DLG2: variants seen among roughly 807,000 people sequenced by gnomAD.
DLG2 encodes discs large MAGUK scaffold protein 2, also known as disks large homolog 2.
A neutral mutation model predicts 132.5 loss-of-function variants in DLG2; 45 were observed. The ratio of observed to expected loss-of-function variants is 0.34; its 90% CI spans 0.27 to 0.44. DLG2 has a LOEUF of 0.44. Among genes scored for constraint, DLG2 ranks in the 20% least tolerant of loss-of-function variants. DLG2 has a pLI of 1.00. For missense variants in DLG2, 1,045 were observed against 1,196.9 expected (o/e 0.87, Z 1.87); for synonymous variants, 424 against 419.6 (o/e 1.01, Z -0.13).
At chr11:84,936,157 G>GAT in intron 6 of DLG2, among the ~76,000 whole-genome samples, 1 of 152,192 alleles carries the variant, frequency 6.6e-6, no homozygotes, top group South Asian at 2.1e-4. Context: ...TTAGGCCTAC[G>GAT]ATACTGTATA....
intron 6 of DLG2, among the ~76,000 whole-genome samples, chr11:85,096,625 G>C (rs958544202): frequency 3.9e-5 from 6 of 152,228 alleles, no homozygotes; most frequent in African/African-American, 1.2e-4. Context: ...CCACCAGAAG[G>C]AATAAACTCT....
intron 21 of DLG2, among the ~76,000 whole-genome samples, chr11:83,503,569 T>G (rs1216261840): frequency 6.6e-6 from 1 of 151,450 alleles, no homozygotes; most frequent in Non-Finnish European, 1.5e-5. Flanking sequence ...CTGAAGAACC[T>G]GGAGTCCGAT....
intron 3 of DLG2, among the ~76,000 whole-genome samples, chr11:85,421,741 G>A (rs907390087): frequency 6.6e-6 from 1 of 151,700 alleles, no homozygotes; most frequent in East Asian, 1.9e-4. Flanking sequence ...TTTGTTTTTT[G>A]TTTTTGTTTT....
Position 83,578,072 on chromosome 11 carries a change from G to GTGTATACACACACACATA in DLG2, c.1941-36215_1941-36214insTATGTGTGTGTGTATACA, listed in dbSNP as rs1565885663. On this transcript the variant is annotated intron_variant, in intron 19 of 27. Transcript: ENST00000376104. ...TGTGTGTGTGTATACATATATATAT[G>GTGTATACACACACACATA]TATACACACACACACACACTGTATC... Among the ~76,000 whole-genome samples, 7 of 80,838 alleles carry GTGTATACACACACACATA rather than the reference G, an allele frequency of 8.7e-5. No homozygotes were observed. In the South Asian group the frequency reaches 3.2e-3, roughly 36 times the overall value. The allele number at this position is 80,838 out of a possible 152,430, so 53.0% of individuals were successfully genotyped here. A position where few individuals can be genotyped will look rare whatever the true frequency, so the allele number is the denominator to read the frequency against.
chr11:83,772,792 T>C (rs967625342), intron 18 of DLG2, among the ~76,000 whole-genome samples: 1 of 152,188 alleles, frequency 6.6e-6, no homozygotes, highest in Non-Finnish European at 1.5e-5. Flanking sequence ...TTTAAAATAA[T>C]ACCAATAAGA....
At chr11:84,006,517 TAC>T (rs2094580614) in intron 11 of DLG2, among the ~76,000 whole-genome samples, 2 of 151,484 alleles carry the variant, frequency 1.3e-5, no homozygotes, top group Non-Finnish European at 3.0e-5. Context: ...TTTAAGTATT[TAC>T]AATAAATACT....
chr11:85,338,823 G>A (rs1007678822), intron 3 of DLG2, among the ~76,000 whole-genome samples: 4 of 149,196 alleles, frequency 2.7e-5, no homozygotes, highest in Admixed American at 6.8e-5. Flanking sequence ...TCCTGCCTCA[G>A]CCTCCTGAGT....
At chr11:84,138,676 C>T (rs778800924) in intron 9 of DLG2, among the ~76,000 whole-genome samples, 4 of 152,126 alleles carry the variant, frequency 2.6e-5, no homozygotes, top group East Asian at 1.9e-4. Flanking sequence ...AGGCCAGGCA[C>T]GGTGGTTCAC....
intron 3 of DLG2, among the ~76,000 whole-genome samples, chr11:85,393,741 T>C (rs947411731): frequency 1.3e-5 from 2 of 152,064 alleles, no homozygotes; most frequent in African/African-American, 2.4e-5. Flanking sequence ...ATAATATGTA[T>C]GTATATTTTA....
At chr11:83,890,542 C>A (rs1000850699) in intron 15 of DLG2, among the ~76,000 whole-genome samples, 2 of 152,084 alleles carry the variant, frequency 1.3e-5, no homozygotes, top group Non-Finnish European at 2.9e-5. Context: ...GCTTGGGAAC[C>A]AATGGACTTG....
At chr11:84,730,473 T>C (rs1177584613) in intron 6 of DLG2, among the ~76,000 whole-genome samples, 5 of 152,188 alleles carry the variant, frequency 3.3e-5, no homozygotes, top group Admixed American at 2.6e-4. Context: ...TTAAAACAAA[T>C]GTCAACCAAG....
In DLG2 at chr11:85,446,027, T is replaced by C. The variant is rs181276202; in HGVS notation, c.40+152630A>G. On this transcript the variant is annotated intron_variant, in intron 3 of 27. Coordinates refer to ENST00000376104, the MANE Select transcript of DLG2 (RefSeq NM_001142699.3). ...GACTCTAAAACCCATTGTTTACAAC[T>C]TGTGGCTTTGTTTGTTAAAAGATCC... Among the ~76,000 whole-genome samples the C allele has an allele frequency of 3.5e-3, 526 of 152,330 alleles. 1 individual carries two copies. The highest frequency in any genetic ancestry group is 0.012 in the African/African-American group (494 of 41,580).
chr11:83,569,367 A>C (rs1439463962), intron 19 of DLG2, among the ~76,000 whole-genome samples: 2 of 152,202 alleles, frequency 1.3e-5, no homozygotes, highest in Non-Finnish European at 2.9e-5. Context: ...AGAAAAATGG[A>C]AACAGTACAG....
intron 6 of DLG2, among the ~76,000 whole-genome samples, chr11:84,792,555 G>A (rs945656831): frequency 6.6e-6 from 1 of 151,936 alleles, no homozygotes; most frequent in African/African-American, 2.4e-5. Flanking sequence ...TGGGTACCAG[G>A]TTTTTCTTTA....
At chr11:84,238,807 C>A (rs2097191470) in intron 8 of DLG2, among the ~76,000 whole-genome samples, 2 of 152,158 alleles carry the variant, frequency 1.3e-5, no homozygotes. Flanking sequence ...TTTCACTCAA[C>A]TAGCCACTGT....
intron 3 of DLG2, among the ~76,000 whole-genome samples, chr11:85,516,529 T>C (rs1428350463): frequency 6.6e-5 from 10 of 152,106 alleles, no homozygotes; most frequent in Non-Finnish European, 1.2e-4. Flanking sequence ...ACAAAAGTGA[T>C]AGAACACTAG....
intron 6 of DLG2, among the ~76,000 whole-genome samples, chr11:85,107,856 C>A (rs898282008): frequency 7.3e-6 from 1 of 136,372 alleles, no homozygotes; most frequent in East Asian, 2.3e-4. Context: ...AAATAATTAA[C>A]GGGGAGTATA....
At chr11:85,234,213 G>A (rs1029315042) in intron 4 of DLG2, among the ~76,000 whole-genome samples, 1 of 151,864 alleles carries the variant, frequency 6.6e-6, no homozygotes, top group Non-Finnish European at 1.5e-5. Flanking sequence ...CTAATATAAG[G>A]ACAGTGAGAG....
intron 8 of DLG2, among the ~76,000 whole-genome samples, chr11:84,192,251 C>G (rs918405358): frequency 6.6e-6 from 1 of 152,100 alleles, no homozygotes; most frequent in Non-Finnish European, 1.5e-5. Context: ...TTCTAGATAA[C>G]TTTTGACAGT....
Sources: allele counts gnomAD v4.1 joint callset (sites outside exome capture counted in the v4.1 genomes callset), GRCh38; gene constraint gnomAD v4.1.1; transcripts MANE v1.5; gene names NCBI Gene and HGNC (gene_info 2026-07-23, HGNC 2026-07-21).